The following GLMP variants were observed in gnomAD, a reference collection of about 807,000 sequenced individuals.
GLMP encodes glycosylated lysosomal membrane protein.
GLMP carries 36 observed loss-of-function variants against 39.2 expected under a neutral mutation model. The observed-to-expected ratio is 0.92, with a 90% CI of 0.70 to 1.21. The LOEUF is 1.21. Ranked by LOEUF, GLMP falls within the 50% of genes most tolerant of loss-of-function variation. GLMP has a pLI of 0.00. For synonymous variants in GLMP, 220 were observed against 218.9 expected, an observed-to-expected ratio of 1.01 and a Z score of -0.04; for missense variants, 454 against 505.6, an observed-to-expected ratio of 0.90 and a Z score of 0.98.
chr1:156,294,040 T>C lies in GLMP; in HGVS notation c.776A>G (p.Glu259Gly). The change falls in exon 4 of 6, where the codon GAA becomes GGA. Residue 259 changes from glutamate to glycine, a missense_variant. Transcript: ENST00000362007. The stretch of plus-strand genomic sequence containing the variant: ...GACCTGGAAGACGGCCGGTGCATAT[T>C]CATCGTCGATGGAGTGCTGCTCCTG... ...SMQEQHSIDD[E>G]YAPAVFQLDQ... 6.2e-7 allele frequency: 1 copy of C among 1,613,704 alleles called. No homozygotes were observed. Among genetic ancestry groups the C allele is most frequent in the Non-Finnish European group, 8.5e-7 (1 of 1,179,998 alleles).
chr1:156,295,464 C>T lies in GLMP; in HGVS notation c.120+62G>A, dbSNP rs186888259. ...CCCCTAGCCCCTGGATGCCCGGTTC[C>T]AGCCACCCTGCAAGGGTAGCGTTTC... On this transcript the variant is annotated intron_variant, in intron 1 of 5. Coordinates refer to ENST00000362007, the MANE Select transcript of GLMP (RefSeq NM_144580.3). 26 of 1,433,370 alleles carry T rather than the reference C, an allele frequency of 1.8e-5. No individual in the cohort carries two copies. The East Asian group carries it at 7.0e-4, about 39-fold the overall frequency. 88.8% of individuals were successfully genotyped at this position (1,433,370 alleles called of 1,614,324 possible).
chr1:156,293,089 CAGA>C lies in GLMP; in HGVS notation c.1173_1175del (p.Leu394del). Reference sequence around the variant, plus strand: ...CTGAGTACTTCTTGTGGTGCAGCAGCAGAACCAAGCCGCCCCCTAGCAGCATGA... The same window carrying C: ...CTGAGTACTTCTTGTGGTGCAGCAGCACCAAGCCGCCCCCTAGCAGCATGA... On this transcript the variant is annotated inframe_deletion, in exon 6 of 6. Transcript: ENST00000362007. 1.2e-6 allele frequency: 2 copies of C among 1,614,126 alleles called. No homozygotes were observed. The highest frequency in any genetic ancestry group is 1.7e-6 in the Non-Finnish European group (2 of 1,180,032).
At chr1:156,293,647 C>T (rs1663458920) in intron 4 of GLMP, 71 bp from the exon 5 acceptor site, 4 of 1,593,748 alleles carry the variant, frequency 2.5e-6, no homozygotes, top group Non-Finnish European at 2.6e-6. Flanking sequence ...CCTTGCCACT[C>T]CCAGCCTTAT....
In GLMP at chr1:156,293,154, G is replaced by C. The variant is rs191663634; in HGVS notation, c.1111C>G (p.Leu371Val). 1.6e-3 allele frequency: 2,599 copies of C among 1,614,048 alleles called. 60 individuals are homozygous for C. The Admixed American group carries it at 0.041, about 25-fold the overall frequency. Residue 371 changes from leucine to valine, a missense_variant, in exon 6 of 6, where the codon CTG becomes GTG. By Grantham distance (32) the Leu-to-Val change is conservative. Transcript: ENST00000362007. ...CCCAGGGCCACTGCCATGATGCCCA[G>C]GACTAGTGGGGACAAGCCGTCCACT... Reference protein sequence around the residue: ...PPVDGLSPLVLGIMAVALGAP... With the variant: ...PPVDGLSPLVVGIMAVALGAP...
chr1:156,294,245 G>A lies in GLMP; in HGVS notation c.580-9C>T. ...CTGGAAAAGGCCTGGACCTAGGAAG[G>A]AAGAAGCATGGGAGGTGTGGGAAAT... is the stretch of plus-strand genomic sequence containing the variant. On this transcript the variant is annotated splice_polypyrimidine_tract_variant and intron_variant, in intron 3 of 5. Transcript: ENST00000362007. 1 of 1,612,726 alleles carries A rather than the reference G, an allele frequency of 6.2e-7. No individual in the cohort carries two copies. Among genetic ancestry groups the A allele is most frequent in the Non-Finnish European group, 8.5e-7 (1 of 1,178,920 alleles).
Position 156,294,917 on chromosome 1 carries a change from T to C in GLMP, c.220A>G (p.Ser74Gly), listed in dbSNP as rs1449768837. 8.7e-6 allele frequency: 14 copies of C among 1,612,798 alleles called. No homozygotes were observed. Among genetic ancestry groups the C allele is most frequent in the African/African-American group, 2.7e-5 (2 of 74,688 alleles). ...TNSTLHYVWSSLGPLAVVMVA... is the reference protein window; with the variant it reads ...TNSTLHYVWSGLGPLAVVMVA... ...ATTACCACTGCCAGAGGCCCCAGGC[T>C]GCTCCACACATAGTGCAGTGTGGAA... is the stretch of plus-strand genomic sequence containing the variant. Residue 74 changes from serine to glycine, a missense_variant, in exon 2 of 6, where the codon AGC (serine) becomes GGC (glycine). Transcript: ENST00000362007.
intron 4 of GLMP, 71 bp from the exon 5 acceptor site, chr1:156,293,647 C>G (rs1663458920): frequency 6.3e-7 from 1 of 1,593,748 alleles, no homozygotes; most frequent in East Asian, 2.3e-5. Context: ...CCTTGCCACT[C>G]CCAGCCTTAT....
rs148390696 is a variant in GLMP, at chr1:156,292,816, G to C, written c.*228C>G. On this transcript the variant is annotated 3_prime_UTR_variant, in exon 6 of 6. Transcript: ENST00000362007. ...GAGATGCAAGAAGGCAACACCAAGG[G>C]GACCTTATCAATAGCCCTGTCCCCT... 6.5e-3 allele frequency: 3,343 copies of C among 511,152 alleles called. 23 individuals carry two copies. Among genetic ancestry groups the C allele is most frequent in the Non-Finnish European group, 9.3e-3 (2,722 of 292,932 alleles). 31.7% of individuals were successfully genotyped at this position (511,152 alleles called of 1,614,324 possible).
At position 156,294,347 on chromosome 1, in the gene GLMP, C is replaced by T. The variant is rs55983394; in HGVS notation, c.579+18G>A. Reference sequence around the variant, plus strand: ...CAAATCAGCCTTTTTGAGCTCTTTCCGATTTCTCACGCCTTACCCTGAAGG... The same window carrying T: ...CAAATCAGCCTTTTTGAGCTCTTTCTGATTTCTCACGCCTTACCCTGAAGG... On this transcript the variant is annotated intron_variant, in intron 3 of 5. Transcript: ENST00000362007. 6.4e-3 allele frequency: 10,385 copies of T among 1,613,554 alleles called. 606 individuals carry two copies. The African/African-American group carries it at 0.12, about 19-fold the overall frequency.
Position 156,293,366 on chromosome 1 carries a change from C to T in GLMP, c.1009G>A (p.Gly337Arg), listed in dbSNP as rs1441722757. 25 of 1,614,126 alleles carry T rather than the reference C, an allele frequency of 1.5e-5. No individual in the cohort carries two copies. Among genetic ancestry groups the T allele is most frequent in the Non-Finnish European group, 1.9e-5 (23 of 1,180,040 alleles). The part of the protein sequence containing the change: ...NNFCAFNLTF[G>R]ASTGPGYWDQ... ...CAATAGCCAGGGCCTGTGGAAGCCC[C>T]GAACGTCAGATTGAAGGCACAGAAG... Residue 337 changes from glycine to arginine, a missense_variant, in exon 5 of 6, where the codon GGG (glycine) becomes AGG (arginine). By Grantham distance (125) the Gly-to-Arg change is moderately radical. Coordinates refer to ENST00000362007, the MANE Select transcript of GLMP (RefSeq NM_144580.3).
rs1663561603 is a variant in GLMP at position 156,295,256 on chromosome 1, C to T, written c.121-240G>A. ...ACTCCCCTGACCCTGGTGGGCGGGT[C>T]AGGGCACAGGGCTGCGAAGAAGAAA... On this transcript the variant is annotated intron_variant, in intron 1 of 5. Coordinates refer to ENST00000362007, the MANE Select transcript of GLMP (RefSeq NM_144580.3). 21 of 1,309,226 alleles carry T rather than the reference C, an allele frequency of 1.6e-5. No individual in the cohort carries two copies. The South Asian group carries it at 4.5e-4, about 28-fold the overall frequency. The allele number at this position is 1,309,226 out of a possible 1,614,324, so 81.1% of individuals were successfully genotyped here.
At position 156,294,535 on chromosome 1, in the gene GLMP, C is replaced by T. The variant is rs371084985; in HGVS notation, c.409G>A (p.Asp137Asn). ...LLEFDSTNVS[D>N]TAAKPLGRPY... is the part of the protein sequence containing the mutation. Reference sequence around the variant, plus strand: ...CTTCCCAAAGGCTTTGCTGCCGTATCGGACACGTTGGTGCTGTCAAACTCA... The same window carrying T: ...CTTCCCAAAGGCTTTGCTGCCGTATTGGACACGTTGGTGCTGTCAAACTCA... Residue 137 changes from aspartate (D) to asparagine (N), a missense_variant, in exon 3 of 6, where the codon GAT becomes AAT. By Grantham distance (23) the Asp-to-Asn change is conservative (BLOSUM62 1). Coordinates refer to ENST00000362007, the MANE Select transcript of GLMP (RefSeq NM_144580.3). 3.3e-5 allele frequency: 53 copies of T among 1,613,970 alleles called. No individual in the cohort carries two copies. The highest frequency in any genetic ancestry group is 1.6e-4 in the East Asian group (7 of 44,882).
At position 156,295,033 on chromosome 1, in the gene GLMP, T is replaced by C; in HGVS notation, c.121-17A>G. On this transcript the variant is annotated splice_polypyrimidine_tract_variant and intron_variant, in intron 1 of 5. Transcript: ENST00000362007. The stretch of plus-strand genomic sequence containing the variant: ...CAGAGACACCTGGAACATGGAGTAG[T>C]GGAGGGTTGAGGGAACAGGACCAAG... 2 of 1,520,968 alleles carry C rather than the reference T, an allele frequency of 1.3e-6. No homozygotes were observed. Among genetic ancestry groups the C allele is most frequent in the South Asian group, 1.3e-5 (1 of 79,864 alleles). The allele number at this position is 1,520,968 out of a possible 1,614,324, so 94.2% of individuals were successfully genotyped here.
Position 156,294,852 on chromosome 1 carries a change from G to C in GLMP, c.285C>G (p.Asn95Lys), listed in dbSNP as rs775507769. The C allele has an allele frequency of 1.6e-5, 25 of 1,609,378 alleles. No individual in the cohort carries two copies. Among genetic ancestry groups the C allele is most frequent in the East Asian group, 2.2e-5 (1 of 44,810 alleles). ...GCTCAGGGGATAGCAGGAGGCTCCAGTTGACGCTCAGGGTGCTGTGGGGGG... is the reference window on the plus strand; with the variant it reads ...GCTCAGGGGATAGCAGGAGGCTCCACTTGACGCTCAGGGTGCTGTGGGGGG... ...TNTPHSTLSVNWSLLLSPEPD... is the reference protein window; with the variant it reads ...TNTPHSTLSVKWSLLLSPEPD... Residue 95 changes from asparagine to lysine, a missense_variant, in exon 2 of 6, where the codon AAC becomes AAG. Asn to Lys is a moderately conservative substitution (Grantham distance 94, BLOSUM62 0). Coordinates refer to ENST00000362007, the MANE Select transcript of GLMP (RefSeq NM_144580.3).
At position 156,293,391 on chromosome 1, in the gene GLMP, G is replaced by A; in HGVS notation, c.984C>T (p.Asn328=). 1 of 1,614,220 alleles carries A rather than the reference G, an allele frequency of 6.2e-7. No individual in the cohort carries two copies. Among genetic ancestry groups the A allele is most frequent in the Non-Finnish European group, 8.5e-7 (1 of 1,180,042 alleles). Reference sequence around the variant, plus strand: ...CGAACGTCAGATTGAAGGCACAGAAGTTATTCTGGGACCCAAAGAAGGCTC... The same window carrying A: ...CGAACGTCAGATTGAAGGCACAGAAATTATTCTGGGACCCAAAGAAGGCTC... The part of the protein sequence containing the change: ...IVRAFFGSQN[N]FCAFNLTFGA... Residue 328 remains asparagine (N), a synonymous_variant, in exon 5 of 6, where the codon AAC becomes AAT. Coordinates refer to ENST00000362007, the MANE Select transcript of GLMP (RefSeq NM_144580.3).
At chr1:156,293,243 T>C (rs1426572317) in intron 5 of GLMP, 34 bp from the exon 6 acceptor site, 19 of 1,610,476 alleles carry the variant, frequency 1.2e-5, no homozygotes, top group Non-Finnish European at 1.4e-5. Context: ...GTAAGCGGGC[T>C]TAGGAGGAAA....
chr1:156,292,963 G>A lies in GLMP; in HGVS notation c.*81C>T, dbSNP rs1376257909. Reference sequence around the variant, plus strand: ...AGATGGGGGAGTGAAGGGGCCGGCTGGAACTTGATGCTCCAACCTCCAGAG... The same window carrying A: ...AGATGGGGGAGTGAAGGGGCCGGCTAGAACTTGATGCTCCAACCTCCAGAG... On this transcript the variant is annotated 3_prime_UTR_variant, in exon 6 of 6. Transcript: ENST00000362007. 1.3e-6 allele frequency: 2 copies of A among 1,524,160 alleles called. No homozygotes were observed. The highest frequency in any genetic ancestry group is 8.9e-7 in the Non-Finnish European group (1 of 1,128,014). 94.4% of individuals were successfully genotyped at this position (1,524,160 alleles called of 1,614,324 possible). A position where few individuals can be genotyped will look rare whatever the true frequency, so the allele number is the denominator to read the frequency against.
Position 156,293,586 on chromosome 1 carries a change from A to C in GLMP, c.799-10T>G. 2.5e-6 allele frequency: 4 copies of C among 1,614,020 alleles called. No homozygotes were observed. The Middle Eastern group carries it at 6.6e-4, about 266-fold the overall frequency. ...ACAGTAGCTGGTCCAACTGGGAAGA[A>C]AGGCAAACAAGGGAGGGTAAAGAGG... On this transcript the variant is annotated splice_polypyrimidine_tract_variant and intron_variant, in intron 4 of 5. Coordinates refer to ENST00000362007, the MANE Select transcript of GLMP (RefSeq NM_144580.3).
At position 156,295,595 on chromosome 1, in the gene GLMP, G is replaced by A. The variant is rs1473570658; in HGVS notation, c.51C>T (p.Ser17=). ...GAAGTAGAGTCCAAAGGAGCAGGGG[G>A]CTGGGGGCACAGTGCCCCCAACCCC... ...CTWGWGHCAP[S]PLLLWTLLLF... The change falls in exon 1 of 6, where the codon AGC becomes AGT. Residue 17 remains serine (S), a synonymous_variant. Transcript: ENST00000362007. The A allele has an allele frequency of 1.3e-6, 2 of 1,554,010 alleles. No homozygotes were observed. The highest frequency in any genetic ancestry group is 4.0e-5 in the Admixed American group (2 of 49,962).
Sources: gnomAD v4.1 joint callset for allele counts on GRCh38, gnomAD v4.1.1 for gene constraint, MANE v1.5 for transcripts, NCBI Gene and HGNC (gene_info 2026-07-23, HGNC 2026-07-21) for gene names.